METTL16: variants seen among roughly 807,000 people sequenced by gnomAD.
The protein encoded by METTL16 is methyltransferase 16, RNA N6-adenosine, also known as RNA N(6)-adenosine-methyltransferase METTL16.
In METTL16, 19 loss-of-function variants were observed where a neutral mutation model predicts 57.9. The observed-to-expected ratio is 0.33, with a 90% CI of 0.23 to 0.48. The LOEUF (loss-of-function observed/expected upper bound fraction) is 0.48, where lower values mean the gene tolerates loss of function less well. Ranked by LOEUF, METTL16 falls within the 20% of genes least tolerant of loss-of-function variation. The pLI is 0.99. For synonymous variants in METTL16, 246 were observed against 255.6 expected (o/e 0.96, Z 0.36); for missense variants, 434 against 691.5 (o/e 0.63, Z 4.18).
chr17:2,493,003 CCT>C (rs913391648), intron 2 of METTL16, among the ~76,000 whole-genome samples: 105 of 152,088 alleles, frequency 6.9e-4, no homozygotes, highest in African/African-American at 1.9e-3. Flanking sequence ...CCAAAACACC[CCT>C]GATTCCCTTA....
rs1377185374 is a variant in METTL16, at chr17:2,467,794, G to A, written c.552C>T (p.Asn184=). 2 of 1,614,076 alleles carry A rather than the reference G, an allele frequency of 1.2e-6. No individual in the cohort carries two copies. Among genetic ancestry groups the A allele is most frequent in the Admixed American group, 1.7e-5 (1 of 60,022 alleles). The stretch of plus-strand genomic sequence containing the variant: ...CCAATTGATTGGCAAAAAAGGGAGG[G>A]TTGCACATGCAAAAGTCATAGATTA... ...SEIIYDFCMC[N]PPFFANQLEA... Residue 184 remains asparagine, a synonymous_variant, in exon 5 of 10, where the codon AAC becomes AAT. Transcript: ENST00000263092.
At chr17:2,457,951 C>T (rs1055838289) in intron 6 of METTL16, among the ~76,000 whole-genome samples, 1 of 152,080 alleles carries the variant, frequency 6.6e-6, no homozygotes, top group African/African-American at 2.4e-5. Flanking sequence ...ATAAACACAG[C>T]TCATGGCAGC....
chr17:2,427,201 C>A (rs2066826305), intron 8 of METTL16, among the ~76,000 whole-genome samples: 1 of 152,060 alleles, frequency 6.6e-6, no homozygotes. Flanking sequence ...TAAATAGTAA[C>A]CCATGAAGAA....
At chr17:2,471,313 A>AT (rs2067233006) in intron 4 of METTL16, among the ~76,000 whole-genome samples, 1 of 152,146 alleles carries the variant, frequency 6.6e-6, no homozygotes, top group African/African-American at 2.4e-5. Flanking sequence ...CTGGGATTAC[A>AT]TGCATGCGCC....
intron 6 of METTL16, among the ~76,000 whole-genome samples, chr17:2,448,638 C>G (rs1293465154): frequency 9.4e-6 from 1 of 106,160 alleles, no homozygotes; most frequent in Non-Finnish European, 1.8e-5. Context: ...CCTAGGAAAA[C>G]CAGAGACCTT....
intron 8 of METTL16, among the ~76,000 whole-genome samples, chr17:2,437,380 G>A (rs1042900633): frequency 5.9e-5 from 9 of 152,204 alleles, no homozygotes; most frequent in East Asian, 5.8e-4. Flanking sequence ...CAACTTCTAC[G>A]TTCTCCAGGA....
chr17:2,420,769 C>T lies in METTL16; in HGVS notation c.1024G>A (p.Val342Ile), dbSNP rs778872448. Residue 342 changes from valine (V) to isoleucine (I), a missense_variant, in exon 9 of 10, where the codon GTC becomes ATC. By Grantham distance (29) the Val-to-Ile change is conservative (BLOSUM62 3). Coordinates refer to ENST00000263092, the MANE Select transcript of METTL16 (RefSeq NM_024086.4). The surrounding 1 kb of genome is among the most constrained non-coding windows in gnomAD (Gnocchi z 5.4). ...AGAATTTTTTCAATCCATGTCGTGACAACGACTATGCCTTCCGCCGTCTCC... is the reference window on the plus strand; with the variant it reads ...AGAATTTTTTCAATCCATGTCGTGATAACGACTATGCCTTCCGCCGTCTCC... The part of the protein sequence containing the change: ...RSETAEGIVV[V>I]TTWIEKILTD... 10 of 1,613,870 alleles carry T rather than the reference C, an allele frequency of 6.2e-6. No individual in the cohort carries two copies. The highest frequency in any genetic ancestry group is 8.5e-6 in the Non-Finnish European group (10 of 1,179,980).
intron 3 of METTL16, among the ~76,000 whole-genome samples, chr17:2,474,386 GAAAAAAA>G (rs752477163): frequency 1.7e-4 from 10 of 60,256 alleles, no homozygotes; most frequent in East Asian, 6.6e-4. Context: ...GAAACAAAAA[GAAAAAAA>G]AAAAAAAAAA....
chr17:2,448,801 T>TAAAAAAAAAAA (rs1567889993), intron 6 of METTL16, among the ~76,000 whole-genome samples: 2 of 47,418 alleles, frequency 4.2e-5, no homozygotes, highest in Non-Finnish European at 7.2e-5. Context: ...AAAATAAAAT[T>TAAAAAAAAAAA]TAAAAAAAAA....
intron 2 of METTL16, among the ~76,000 whole-genome samples, chr17:2,496,814 A>G (rs946209941): frequency 6.6e-6 from 1 of 151,566 alleles, no homozygotes; most frequent in Non-Finnish European, 1.5e-5. Context: ...TTTAAAAAAA[A>G]GCTTGCAGAA....
At chr17:2,454,320 C>T (rs1041171939) in intron 6 of METTL16, among the ~76,000 whole-genome samples, 6 of 151,980 alleles carry the variant, frequency 3.9e-5, no homozygotes, top group Admixed American at 6.6e-5. Flanking sequence ...AATTATGAAC[C>T]TTACCTAAAA....
At chr17:2,497,453 C>T (rs956478209) in intron 2 of METTL16, among the ~76,000 whole-genome samples, 2 of 150,728 alleles carry the variant, frequency 1.3e-5, no homozygotes, top group Non-Finnish European at 2.9e-5. Context: ...GCTGAGATTA[C>T]AGGCATATGC....
chr17:2,496,122 G>GCACA (rs147084490), intron 2 of METTL16, among the ~76,000 whole-genome samples: 1 of 148,602 alleles, frequency 6.7e-6, no homozygotes. Context: ...AAACACACAT[G>GCACA]CACACACACA....
At position 2,502,251 on chromosome 17, in the gene METTL16, A is replaced by G; in HGVS notation, c.81T>C (p.Tyr27=). 1 of 1,613,766 alleles carries G rather than the reference A, an allele frequency of 6.2e-7. No individual in the cohort carries two copies. Among genetic ancestry groups the G allele is most frequent in the Non-Finnish European group, 8.5e-7 (1 of 1,179,770 alleles). The change falls in exon 2 of 10, where the codon TAT becomes TAC. Residue 27 remains tyrosine (Y), a synonymous_variant. Coordinates refer to ENST00000263092, the MANE Select transcript of METTL16 (RefSeq NM_024086.4). ...PPDFAYLASK[Y]PDFKQHVQIN... ...TCTGAACATGCTGCTTAAAATCTGGATATTTGGATGCCAGATATGCAAAGT... is the reference window on the plus strand; with the variant it reads ...TCTGAACATGCTGCTTAAAATCTGGGTATTTGGATGCCAGATATGCAAAGT...
At chr17:2,451,944 G>C (rs550594948) in intron 6 of METTL16, among the ~76,000 whole-genome samples, 2 of 152,012 alleles carry the variant, frequency 1.3e-5, no homozygotes, top group South Asian at 4.2e-4. Flanking sequence ...CCAGGAGTTT[G>C]AGACCATCCT....
intron 6 of METTL16, among the ~76,000 whole-genome samples, chr17:2,450,015 T>C (rs6502244): frequency 0.27 from 41,643 of 152,064 alleles, 9,593 homozygotes; most frequent in African/African-American, 0.63. Context: ...ACGGAAACTC[T>C]CAGATATTGC....
intron 8 of METTL16, among the ~76,000 whole-genome samples, chr17:2,424,674 C>T (rs1466852229): frequency 1.3e-5 from 2 of 152,068 alleles, no homozygotes; most frequent in African/African-American, 2.4e-5. Context: ...ACAGGCCAGG[C>T]GCAGTGGCTC....
intron 6 of METTL16, among the ~76,000 whole-genome samples, chr17:2,444,833 C>G (rs1166870814): frequency 2.0e-5 from 3 of 151,834 alleles, no homozygotes; most frequent in African/African-American, 7.3e-5. Flanking sequence ...CCTGCCTCAG[C>G]CTCCCGAGTA....
In METTL16 at chr17:2,441,554, T is replaced by C. The variant is rs752571928; in HGVS notation, c.734A>G (p.Tyr245Cys). Residue 245 changes from tyrosine to cysteine, a missense_variant, in exon 7 of 10, where the codon TAT becomes TGT. Transcript: ENST00000263092. Reference protein sequence around the residue: ...SLQLKKRLRWYSCMLGKKCSL... With the variant: ...SLQLKKRLRWCSCMLGKKCSL... The stretch of plus-strand genomic sequence containing the variant: ...GCATTTCTTTCCCAGCATGCAGCTA[T>C]ACCATCTAGGAAAAAAAAAATCAGA... 1.3e-6 allele frequency: 2 copies of C among 1,574,320 alleles called. No individual in the cohort carries two copies. Among genetic ancestry groups the C allele is most frequent in the Admixed American group, 1.9e-5 (1 of 53,864 alleles).
Sources: gnomAD v4.1 joint callset for allele counts (sites outside exome capture counted in the v4.1 genomes callset) on GRCh38, gnomAD v4.1.1 for gene constraint, Gnocchi (gnomAD v3.1) non-coding constraint, MANE v1.5 for transcripts, NCBI Gene and HGNC (gene_info 2026-07-23, HGNC 2026-07-21) for gene names.